Variants in FIP1L1 observed in about 807,000 individuals in gnomAD.
FIP1L1 encodes factor interacting with PAPOLA and CPSF1.
In FIP1L1, 21 loss-of-function variants were observed where a neutral mutation model predicts 84.6. The ratio of observed to expected loss-of-function variants is 0.25; its 90% CI spans 0.18 to 0.36. The LOEUF is 0.36. Among genes scored for constraint, FIP1L1 ranks in the 10% least tolerant of loss-of-function variants. FIP1L1 has a pLI of 1.00. For synonymous variants in FIP1L1, 263 were observed against 242.3 expected (o/e 1.09, Z -0.80); for missense variants, 526 against 751.1 (o/e 0.70, Z 3.50).
At chr4:53,409,887 G>A (rs1756200001) in intron 10 of FIP1L1, among the ~76,000 whole-genome samples, 1 of 152,224 alleles carries the variant, frequency 6.6e-6, no homozygotes, top group Non-Finnish European at 1.5e-5. Flanking sequence ...TCCAGGTGCT[G>A]TCTGTCACCC....
chr4:53,425,785 A>T, intron 11 of FIP1L1, 87 bp from the exon 12 acceptor site: 1 of 906,970 alleles, frequency 1.1e-6, no homozygotes. Flanking sequence ...TATTGCAAAC[A>T]CATTTTGTTT....
chr4:53,434,255 A>G (rs1424056927), intron 13 of FIP1L1, among the ~76,000 whole-genome samples: 1 of 152,186 alleles, frequency 6.6e-6, no homozygotes, highest in African/African-American at 2.4e-5. Flanking sequence ...CTTATGAAAA[A>G]TAACTGTACT....
At chr4:53,400,824 G>C (rs1456155148) in intron 10 of FIP1L1, among the ~76,000 whole-genome samples, 1 of 152,114 alleles carries the variant, frequency 6.6e-6, no homozygotes, top group African/African-American at 2.4e-5. Flanking sequence ...AAAATGTTTG[G>C]TTTTAAAGAA....
chr4:53,413,842 G>T (rs905746296), intron 10 of FIP1L1, among the ~76,000 whole-genome samples: 3 of 151,960 alleles, frequency 2.0e-5, no homozygotes, highest in Non-Finnish European at 4.4e-5. Flanking sequence ...AGTTCGAAAG[G>T]CAAGAGTATC....
At chr4:53,458,259 C>A (rs1452102037) in intron 16 of FIP1L1, among the ~76,000 whole-genome samples, 1 of 151,872 alleles carries the variant, frequency 6.6e-6, no homozygotes, top group Non-Finnish European at 1.5e-5. Context: ...GATTAGAAAT[C>A]TGAGATATAC....
At chr4:53,457,185 A>G (rs1579261800) in intron 16 of FIP1L1, among the ~76,000 whole-genome samples, 2 of 152,232 alleles carry the variant, frequency 1.3e-5, no homozygotes, top group East Asian at 1.9e-4. Flanking sequence ...GCAATTTTAC[A>G]GGTGAGAAAA....
intron 11 of FIP1L1, among the ~76,000 whole-genome samples, chr4:53,416,254 C>G (rs1759450271): frequency 6.6e-6 from 1 of 152,104 alleles, no homozygotes; most frequent in African/African-American, 2.4e-5. Context: ...TTTACTGAAC[C>G]TAAAAGGGCC....
At chr4:53,426,175 TC>T in intron 12 of FIP1L1, among the ~76,000 whole-genome samples, 1 of 152,182 alleles carries the variant, frequency 6.6e-6, no homozygotes, top group African/African-American at 2.4e-5. Context: ...TTCTTTCTTT[TC>T]CTTGGTAGAA....
chr4:53,410,313 A>T (rs1041878562), intron 10 of FIP1L1, among the ~76,000 whole-genome samples: 3 of 152,198 alleles, frequency 2.0e-5, no homozygotes, highest in Non-Finnish European at 2.9e-5. Context: ...CAAATGCCTA[A>T]CAACTGTAGA....
chr4:53,393,626 TATTTA>T (rs1745491215), intron 9 of FIP1L1, among the ~76,000 whole-genome samples: 1 of 152,280 alleles, frequency 6.6e-6, no homozygotes, highest in South Asian at 2.1e-4. Context: ...ATTGTGTAAT[TATTTA>T]ATTAGAGTGA....
At chr4:53,391,531 C>A in intron 9 of FIP1L1, 33 bp downstream of exon 9, 2 of 1,533,294 alleles carry the variant, frequency 1.3e-6, no homozygotes, top group South Asian at 1.1e-5. Context: ...TGGTTGCTCT[C>A]ATTTTTTGTT....
chr4:53,396,187 G>A (rs1747231350), intron 9 of FIP1L1, among the ~76,000 whole-genome samples: 1 of 152,088 alleles, frequency 6.6e-6, no homozygotes, highest in Non-Finnish European at 1.5e-5. Flanking sequence ...CTGAAGTGTT[G>A]GGATTACAGG....
chr4:53,396,283 C>G (rs1445712350), intron 9 of FIP1L1, among the ~76,000 whole-genome samples: 1 of 152,124 alleles, frequency 6.6e-6, no homozygotes, highest in Non-Finnish European at 1.5e-5. Flanking sequence ...ACAAAGCAAT[C>G]ATGGATGTAA....
In FIP1L1 at chr4:53,460,759, A is replaced by G; in HGVS notation, c.*1310A>G. 1 of 783,214 alleles carries G rather than the reference A, an allele frequency of 1.3e-6. No homozygotes were observed. The highest frequency in any genetic ancestry group is 2.0e-6 in the Non-Finnish European group (1 of 502,972). The allele number at this position is 783,214 out of a possible 1,614,324, so 48.5% of individuals were successfully genotyped here. On this transcript the variant is annotated 3_prime_UTR_variant, in exon 18 of 18. Transcript: ENST00000337488. ...TTTGGAATCATATTTTCTGAGGTGT[A>G]ACTGGCTTTCATTAGATGATCATAC... is the stretch of plus-strand genomic sequence containing the variant.
intron 9 of FIP1L1, among the ~76,000 whole-genome samples, chr4:53,394,023 A>G (rs1169406701): frequency 6.6e-6 from 1 of 150,836 alleles, no homozygotes; most frequent in Non-Finnish European, 1.5e-5. Context: ...CATCTTTTCC[A>G]TTATCTGGGA....
chr4:53,432,433 A>C (rs13152729), intron 13 of FIP1L1, among the ~76,000 whole-genome samples: 1 of 151,516 alleles, frequency 6.6e-6, no homozygotes, highest in Non-Finnish European at 1.5e-5. Context: ...AAGAAAGAAA[A>C]CAAATACTGG....
In FIP1L1 at chr4:53,453,002, AAGAGAGAAAGACCGAGAT is replaced by A. The variant is rs1716967629; in HGVS notation, c.1376_1393del (p.Lys459_Glu464del). ...GCAAGCAGTGGGACTATTATGCCAG[AAGAGAGAAAGACCGAGAT>A]AGAGAGAGAGACAGAGACAGAGAGC... On this transcript the variant is annotated inframe_deletion, in exon 16 of 18. Transcript: ENST00000337488. 1.2e-6 allele frequency: 2 copies of A among 1,613,636 alleles called. No individual in the cohort carries two copies. The highest frequency in any genetic ancestry group is 1.3e-5 in the African/African-American group (1 of 74,892).
At chr4:53,400,531 A>T (rs1749670181) in intron 10 of FIP1L1, among the ~76,000 whole-genome samples, 1 of 152,196 alleles carries the variant, frequency 6.6e-6, no homozygotes, top group Non-Finnish European at 1.5e-5. Context: ...TTAATAACCC[A>T]ACTATTACTA....
chr4:53,444,019 A>T (rs201451414), intron 14 of FIP1L1, 29 bp from the exon 15 acceptor site: 1 of 1,521,616 alleles, frequency 6.6e-7, no homozygotes, highest in Non-Finnish European at 9.1e-7. Context: ...TTTGTACCAG[A>T]CATAAAAATA....
Sources: allele counts gnomAD v4.1 joint callset (sites outside exome capture counted in the v4.1 genomes callset), GRCh38; gene constraint gnomAD v4.1.1; transcripts MANE v1.5; gene names NCBI Gene and HGNC (gene_info 2026-07-23, HGNC 2026-07-21).